The following ZNF25 variants were observed in gnomAD, a reference collection of about 807,000 sequenced individuals.
ZNF25 encodes zinc finger protein 25, also known as zinc finger protein 25 (KOX 19).
A neutral mutation model predicts 30.9 loss-of-function variants in ZNF25; 21 were observed. That is an observed-to-expected ratio of 0.68 (90% CI 0.48 to 0.98). ZNF25 has a LOEUF of 0.98. Ranked by LOEUF, ZNF25 falls within the 50% of genes least tolerant of loss-of-function variation. The pLI, the probability that ZNF25 is intolerant of heterozygous loss-of-function variation, is 0.00. For missense variants in ZNF25, 501 were observed against 529.9 expected (o/e 0.95, Z 0.54); for synonymous variants, 169 against 181.3 (o/e 0.93, Z 0.55).
chr10:37,957,577 G>A (rs1239558599), intron 2 of ZNF25, 31 bp from the exon 3 acceptor site: 3 of 1,605,886 alleles, frequency 1.9e-6, no homozygotes, highest in South Asian at 1.1e-5. Flanking sequence ...TCAATTTGAA[G>A]TAACCAGAAT....
intron 1 of ZNF25, among the ~76,000 whole-genome samples, chr10:37,973,771 G>C (rs1564805899): frequency 6.6e-6 from 1 of 151,504 alleles, no homozygotes. Context: ...ACAGAAATAG[G>C]AAAAAAAATC....
At chr10:37,965,463 G>C (rs2063131829) in intron 2 of ZNF25, among the ~76,000 whole-genome samples, 1 of 152,182 alleles carries the variant, frequency 6.6e-6, no homozygotes, top group Non-Finnish European at 1.5e-5. Flanking sequence ...CAGAAACTGT[G>C]AAAGCCAAAA....
intron 1 of ZNF25, among the ~76,000 whole-genome samples, chr10:37,973,277 C>T (rs749778558): frequency 6.6e-6 from 1 of 151,724 alleles, no homozygotes; most frequent in Non-Finnish European, 1.5e-5. Flanking sequence ...AACCCCAACA[C>T]CTAGGAATAA....
At chr10:37,957,956 G>C (rs956637889) in intron 2 of ZNF25, among the ~76,000 whole-genome samples, 1 of 152,166 alleles carries the variant, frequency 6.6e-6, no homozygotes, top group Non-Finnish European at 1.5e-5. Flanking sequence ...ACACTGTACA[G>C]GTTTGTAGCC....
intron 5 of ZNF25, 139 bp from the exon 6 acceptor site, chr10:37,953,334 T>A: frequency 1.3e-6 from 1 of 776,544 alleles, no homozygotes; most frequent in Non-Finnish European, 2.0e-6. Context: ...ATCCATAGGG[T>A]TTCTCCACTG....
At chr10:37,954,536 G>C (rs148373361) in intron 4 of ZNF25, among the ~76,000 whole-genome samples, 1 of 152,258 alleles carries the variant, frequency 6.6e-6, no homozygotes, top group Non-Finnish European at 1.5e-5. Flanking sequence ...TTTCAATCCT[G>C]AACTCATCCT....
intron 2 of ZNF25, among the ~76,000 whole-genome samples, chr10:37,970,442 T>C (rs1220107256): frequency 1.3e-5 from 2 of 152,174 alleles, no homozygotes; most frequent in Non-Finnish European, 2.9e-5. Flanking sequence ...ATAAAAACTC[T>C]GAACAAACTA....
At position 37,952,708 on chromosome 10, in the gene ZNF25, C is replaced by T; in HGVS notation, c.790G>A (p.Gly264Arg). Residue 264 changes from glycine to arginine, a missense_variant, in exon 6 of 6, where the codon GGG (glycine) becomes AGG (arginine). By Grantham distance (125) the Gly-to-Arg change is moderately radical. Coordinates refer to ENST00000302609, the MANE Select transcript of ZNF25 (RefSeq NM_145011.4). ...GEKPYECKEC[G>R]KAFSQKSHLT... is the part of the protein sequence containing the mutation. ...TGTGACTTCTGGGAAAAGGCTTTCC[C>T]ACACTCCTTACACTCATAGGGTTTC... 2 of 1,613,716 alleles carry T rather than the reference C, an allele frequency of 1.2e-6. No homozygotes were observed. The highest frequency in any genetic ancestry group is 1.7e-6 in the Non-Finnish European group (2 of 1,179,882).
chr10:37,974,044 T>A (rs184132474), intron 1 of ZNF25, among the ~76,000 whole-genome samples: 12 of 152,286 alleles, frequency 7.9e-5, no homozygotes, highest in East Asian at 1.9e-4. Context: ...GTTTCTTCAA[T>A]AAATGGTGCT....
intron 2 of ZNF25, among the ~76,000 whole-genome samples, chr10:37,965,763 A>C (rs2063146355): frequency 6.6e-6 from 1 of 152,200 alleles, no homozygotes; most frequent in African/African-American, 2.4e-5. Context: ...TATTTTTTAA[A>C]TTATGTCTCC....
chr10:37,956,378 C>T (rs555086660), intron 4 of ZNF25, among the ~76,000 whole-genome samples: 53 of 152,214 alleles, frequency 3.5e-4, no homozygotes, highest in African/African-American at 1.3e-3. Flanking sequence ...TTTACAAACA[C>T]TTTATAGTTG....
intron 2 of ZNF25, among the ~76,000 whole-genome samples, chr10:37,965,516 T>C (rs1436022980): frequency 6.6e-6 from 1 of 152,202 alleles, no homozygotes; most frequent in Non-Finnish European, 1.5e-5. Context: ...AAAAGAATTC[T>C]ATTTCAAGAA....
rs76776682 is a variant in ZNF25, at chr10:37,963,596, G to A, written c.16-6050C>T. 8.4e-4 allele frequency among the ~76,000 whole-genome samples: 128 copies of A among 152,296 alleles called. 2 individuals carry two copies. The East Asian group carries it at 0.023, about 27-fold the overall frequency. ...ACTGGTAGGAGGTATTTGGGTCATG[G>A]GGGTGTATCTCTTATGGATGGTTTA... On this transcript the variant is annotated intron_variant, in intron 2 of 5. Coordinates refer to ENST00000302609, the MANE Select transcript of ZNF25 (RefSeq NM_145011.4).
rs575565591 is a variant in ZNF25 at position 37,971,825 on chromosome 10, A to G, written c.-85-18T>C. 6.6e-7 allele frequency: 1 copy of G among 1,519,242 alleles called. No homozygotes were observed. Among genetic ancestry groups the G allele is most frequent in the Non-Finnish European group, 9.1e-7 (1 of 1,096,174 alleles). 94.1% of individuals were successfully genotyped at this position (1,519,242 alleles called of 1,614,324 possible). A position where few individuals can be genotyped will look rare whatever the true frequency, so the allele number is the denominator to read the frequency against. On this transcript the variant is annotated intron_variant, in intron 1 of 5. Coordinates refer to ENST00000302609, the MANE Select transcript of ZNF25 (RefSeq NM_145011.4). ...GGAATCACCTGTGAGAAATTTCCAT[A>G]CAACATTTTAGTAAAATATATACCT... is the stretch of plus-strand genomic sequence containing the variant.
chr10:37,975,073 A>G (rs2063725575), intron 1 of ZNF25, among the ~76,000 whole-genome samples: 1 of 152,174 alleles, frequency 6.6e-6, no homozygotes, highest in African/African-American at 2.4e-5. Context: ...TCTCATGAAG[A>G]TACGATGTAG....
chr10:37,951,940 AAT>A lies in ZNF25; in HGVS notation c.*185_*186del. ...TTATCTAATATTTAGAAAAGCCTAA[AAT>A]ATGATAAAATTTTCTCCCAAATAAA... On this transcript the variant is annotated 3_prime_UTR_variant, in exon 6 of 6. Coordinates refer to ENST00000302609, the MANE Select transcript of ZNF25 (RefSeq NM_145011.4). 2.1e-6 allele frequency: 1 copy of A among 486,320 alleles called. No individual in the cohort carries two copies. Among genetic ancestry groups the A allele is most frequent in the Non-Finnish European group, 3.5e-6 (1 of 287,382 alleles). The allele number at this position is 486,320 out of a possible 1,614,324, so 30.1% of individuals were successfully genotyped here.
intron 1 of ZNF25, among the ~76,000 whole-genome samples, chr10:37,972,160 G>C (rs925041845): frequency 6.6e-6 from 1 of 152,108 alleles, no homozygotes; most frequent in Non-Finnish European, 1.5e-5. Context: ...GCACATAAAA[G>C]GTAATTAAGT....
intron 2 of ZNF25, among the ~76,000 whole-genome samples, chr10:37,971,315 C>CA (rs35376573): frequency 0.23 from 30,929 of 133,188 alleles, 3,473 homozygotes; most frequent in East Asian, 0.4. Context: ...GACTCCATCT[C>CA]AAAAAAAAAA....
At chr10:37,960,369 C>T (rs17608725) in intron 2 of ZNF25, among the ~76,000 whole-genome samples, 31,778 of 150,670 alleles carry the variant, frequency 0.21, 3,563 homozygotes, top group East Asian at 0.4. Context: ...AATCCCAGCA[C>T]TTCGGGAGGC....
Sources: allele counts gnomAD v4.1 joint callset (sites outside exome capture counted in the v4.1 genomes callset), GRCh38; gene constraint gnomAD v4.1.1; transcripts MANE v1.5; gene names NCBI Gene and HGNC (gene_info 2026-07-23, HGNC 2026-07-21).